Variants in INVS observed in about 807,000 individuals in gnomAD.
INVS encodes the protein inversion of embryo turning homolog.
INVS carries 86 observed loss-of-function variants against 108.8 expected under a neutral mutation model. The ratio of observed to expected loss-of-function variants is 0.79; its 90% CI spans 0.66 to 0.95. The LOEUF is 0.95. Among genes scored for constraint, INVS ranks in the 40% least tolerant of loss-of-function variants. INVS has a pLI of 0.00. For synonymous variants in INVS, 455 were observed against 473.5 expected, an observed-to-expected ratio of 0.96 and a Z score of 0.51; for missense variants, 1,169 against 1,297.4, an observed-to-expected ratio of 0.90 and a Z score of 1.52.
intron 2 of INVS, 104 bp from the exon 3 acceptor site, chr9:100,126,278 CT>C: frequency 1.1e-6 from 1 of 894,664 alleles, no homozygotes. Context: ...AGATGATATA[CT>C]TAAGCATTTA....
chr9:100,295,045 T>C (rs1012168501), intron 14 of INVS, among the ~76,000 whole-genome samples: 3 of 152,170 alleles, frequency 2.0e-5, no homozygotes, highest in Non-Finnish European at 4.4e-5. Flanking sequence ...GAAATGGCCA[T>C]TGCACTCTGT....
intron 13 of INVS, among the ~76,000 whole-genome samples, chr9:100,291,331 A>AT (rs1833608842): frequency 6.6e-6 from 1 of 152,178 alleles, no homozygotes; most frequent in Non-Finnish European, 1.5e-5. Flanking sequence ...AAGTGCTGGG[A>AT]TTACAGGCAT....
chr9:100,171,649 A>G (rs1829544934), intron 3 of INVS, among the ~76,000 whole-genome samples: 1 of 152,168 alleles, frequency 6.6e-6, no homozygotes, highest in African/African-American at 2.4e-5. Context: ...TAAAACTTGA[A>G]TATTATTTAA....
At chr9:100,226,806 G>C (rs891876314) in intron 4 of INVS, among the ~76,000 whole-genome samples, 5 of 96,586 alleles carry the variant, frequency 5.2e-5, no homozygotes, top group Non-Finnish European at 7.9e-5. Flanking sequence ...GAGTGAGACT[G>C]TCTCAAAAAA....
intron 8 of INVS, among the ~76,000 whole-genome samples, chr9:100,250,897 C>T (rs1292362364): frequency 2.6e-5 from 4 of 152,178 alleles, no homozygotes; most frequent in Non-Finnish European, 5.9e-5. Flanking sequence ...TTCTATGTTT[C>T]TGACTTACTC....
chr9:100,127,632 A>G (rs1199381984), intron 3 of INVS, among the ~76,000 whole-genome samples: 1 of 152,188 alleles, frequency 6.6e-6, no homozygotes, highest in Non-Finnish European at 1.5e-5. Context: ...TAGCTAATTA[A>G]TTAAGGGGTT....
intron 3 of INVS, among the ~76,000 whole-genome samples, chr9:100,224,387 C>A (rs760242087): frequency 6.6e-6 from 1 of 152,100 alleles, no homozygotes; most frequent in Admixed American, 6.5e-5. Context: ...AGGCTGAGAA[C>A]CTGATCAGGC....
intron 1 of INVS, among the ~76,000 whole-genome samples, chr9:100,103,262 T>A (rs1030039213): frequency 6.6e-6 from 1 of 152,172 alleles, no homozygotes; most frequent in African/African-American, 2.4e-5. Context: ...CAGGTTCAAG[T>A]GAAACTTCCA....
At chr9:100,136,678 G>A (rs907289497) in intron 3 of INVS, among the ~76,000 whole-genome samples, 4 of 152,092 alleles carry the variant, frequency 2.6e-5, no homozygotes, top group Admixed American at 2.0e-4. Context: ...AGGAAAAGGA[G>A]ACATCAAAAA....
At chr9:100,291,723 T>A (rs999214485) in intron 13 of INVS, among the ~76,000 whole-genome samples, 3 of 152,214 alleles carry the variant, frequency 2.0e-5, no homozygotes, top group African/African-American at 7.2e-5. Context: ...AAGACGACTT[T>A]GGTTTTAAAT....
At chr9:100,254,158 G>A (rs1425578305) in intron 10 of INVS, among the ~76,000 whole-genome samples, 1 of 152,136 alleles carries the variant, frequency 6.6e-6, no homozygotes, top group African/African-American at 2.4e-5. Context: ...GCATTTCTCT[G>A]ATGGCCAGTG....
At chr9:100,115,351 A>G (rs9408993) in intron 2 of INVS, among the ~76,000 whole-genome samples, 70,313 of 151,428 alleles carry the variant, frequency 0.46, 17,644 homozygotes, top group East Asian at 0.9. Flanking sequence ...CATGTGCACA[A>G]CGTGCAGGTT....
intron 8 of INVS, among the ~76,000 whole-genome samples, chr9:100,249,421 T>G (rs114477222): frequency 0.021 from 3,227 of 152,258 alleles, 104 homozygotes; most frequent in African/African-American, 0.073. Context: ...AAAATAAAAT[T>G]TCAATTAAGT....
At chr9:100,169,023 AT>A (rs1421877537) in intron 3 of INVS, among the ~76,000 whole-genome samples, 3 of 152,340 alleles carry the variant, frequency 2.0e-5, no homozygotes, top group South Asian at 2.1e-4. Context: ...AGTGATAAGC[AT>A]TTTTAATACT....
chr9:100,200,541 G>A (rs1588084234), intron 3 of INVS, among the ~76,000 whole-genome samples: 1 of 152,124 alleles, frequency 6.6e-6, no homozygotes, highest in Non-Finnish European at 1.5e-5. Context: ...CACAGTCCTG[G>A]TACATAGTCT....
At chr9:100,262,822 T>C (rs1262359846) in intron 10 of INVS, among the ~76,000 whole-genome samples, 1 of 152,130 alleles carries the variant, frequency 6.6e-6, no homozygotes, top group African/African-American at 2.4e-5. Flanking sequence ...CATGGCTCAT[T>C]GTAACCTCAA....
chr9:100,126,584 T>A, intron 3 of INVS, 35 bp downstream of exon 3: 3 of 1,596,298 alleles, frequency 1.9e-6, no homozygotes, highest in Non-Finnish European at 2.6e-6. Context: ...AGTAAATGTT[T>A]TGTGTGATGT....
At chr9:100,233,688 G>C (rs1588109728) in intron 5 of INVS, among the ~76,000 whole-genome samples, 1 of 152,182 alleles carries the variant, frequency 6.6e-6, no homozygotes, top group South Asian at 2.1e-4. Flanking sequence ...ATTTGCATAT[G>C]TTGAATCAGC....
At chr9:100,117,386 A>G (rs943562874) in intron 2 of INVS, 1 of 771,082 alleles carries the variant, frequency 1.3e-6, no homozygotes, top group Admixed American at 1.7e-5. Context: ...CAGGGAGAAG[A>G]GACAGATTTC....
Sources: allele counts gnomAD v4.1 joint callset (sites outside exome capture counted in the v4.1 genomes callset), GRCh38; gene constraint gnomAD v4.1.1; transcripts MANE v1.5; gene names NCBI Gene and HGNC (gene_info 2026-07-23, HGNC 2026-07-21).